SYT11: variants seen among roughly 807,000 people sequenced by gnomAD.
SYT11 encodes the protein synaptotagmin 11.
Under a neutral mutation model 30.4 loss-of-function variants are expected in SYT11, and 12 were observed. The ratio of observed to expected loss-of-function variants is 0.39; its 90% CI spans 0.25 to 0.64. The LOEUF is 0.64. SYT11 is among the 30% of genes least tolerant of loss of function. The probability of loss-of-function intolerance (pLI) is 0.45; values close to 1 mark genes in which losing one functional copy is unlikely to be tolerated. For missense variants in SYT11, 412 were observed against 552.0 expected, an observed-to-expected ratio of 0.75 and a Z score of 2.54; for synonymous variants, 204 against 216.0, an observed-to-expected ratio of 0.94 and a Z score of 0.49.
rs756494595 is a variant in SYT11, at chr1:155,881,458, G to A, written c.1246G>A (p.Glu416Lys). The A allele has an allele frequency of 6.2e-7, 1 of 1,613,124 alleles. No homozygotes were observed. Among genetic ancestry groups the A allele is most frequent in the Non-Finnish European group, 8.5e-7 (1 of 1,179,238 alleles). ...TGCTGAACACTGGAGAGAGGTCTGC[G>A]AGAGCCCCCGCAAGCCTGTGGCCAA... ...SGAEHWREVC[E>K]SPRKPVAKWH... Residue 416 changes from glutamate to lysine, a missense_variant, in exon 4 of 4, where the codon GAG becomes AAG. Glu to Lys is a moderately conservative substitution (Grantham distance 56, BLOSUM62 1). Coordinates refer to ENST00000368324, the MANE Select transcript of SYT11 (RefSeq NM_152280.5).
At chr1:155,874,619 G>A (rs567111640) in intron 2 of SYT11, among the ~76,000 whole-genome samples, 4 of 149,436 alleles carry the variant, frequency 2.7e-5, no homozygotes, top group Admixed American at 2.0e-4. Context: ...GGCCGGGCGC[G>A]GTGGCTGACG....
intron 1 of SYT11, 145 bp downstream of exon 1, chr1:155,859,940 G>A: frequency 1.3e-6 from 1 of 784,440 alleles, no homozygotes; most frequent in Admixed American, 1.9e-5. Flanking sequence ...GTGGTGGGTA[G>A]TGGGTAGTGG....
intron 2 of SYT11, among the ~76,000 whole-genome samples, chr1:155,875,044 G>A (rs950737377): frequency 1.3e-5 from 2 of 149,572 alleles, no homozygotes; most frequent in East Asian, 3.9e-4. Context: ...CATGAGGTCA[G>A]GAGTTTGAGA....
In SYT11 at chr1:155,874,838, C is replaced by T. The variant is rs908459889; in HGVS notation, c.862-5662C>T. The stretch of plus-strand genomic sequence containing the variant: ...CCGGGAGGCAGAGGTTGCAGTGAGC[C>T]GAGATCGCGCCACTGCACTCCAGCC... On this transcript the variant is annotated intron_variant, in intron 2 of 3. Coordinates refer to ENST00000368324, the MANE Select transcript of SYT11 (RefSeq NM_152280.5). Among the ~76,000 whole-genome samples the T allele has an allele frequency of 3.5e-5, 5 of 143,000 alleles. 1 individual carries two copies. Among genetic ancestry groups the T allele is most frequent in the African/African-American group, 1.0e-4 (4 of 38,772 alleles). 93.8% of individuals were successfully genotyped at this position (143,000 alleles called of 152,430 possible).
intron 1 of SYT11, among the ~76,000 whole-genome samples, chr1:155,866,529 A>T (rs1437627241): frequency 6.6e-6 from 1 of 152,224 alleles, no homozygotes; most frequent in African/African-American, 2.4e-5. Flanking sequence ...CATGAGACTT[A>T]TATTCTAGTG....
In SYT11 at chr1:155,884,151, G is replaced by A. The variant is rs554549887; in HGVS notation, c.*2643G>A. The A allele has an allele frequency of 5.0e-4, 76 of 152,740 alleles. No homozygotes were observed. Among genetic ancestry groups the A allele is most frequent in the African/African-American group, 1.6e-3 (66 of 41,510 alleles). 9.5% of individuals were successfully genotyped at this position (152,740 alleles called of 1,614,324 possible). A position where few individuals can be genotyped will look rare whatever the true frequency, so the allele number is the denominator to read the frequency against. On this transcript the variant is annotated 3_prime_UTR_variant, in exon 4 of 4. Transcript: ENST00000368324. ...CCTTAATGTCTAAAGATCAGAAATC[G>A]CTGAGCAAACCCGCTTTTGTTTCCT...
Position 155,867,978 on chromosome 1 carries a change from G to A in SYT11, c.48G>A (p.Val16=), listed in dbSNP as rs571740484. 48 of 1,609,230 alleles carry A rather than the reference G, an allele frequency of 3.0e-5. No individual in the cohort carries two copies. The highest frequency in any genetic ancestry group is 3.9e-5 in the Non-Finnish European group (46 of 1,178,372). The change falls in exon 2 of 4, where the codon GTG becomes GTA. Residue 16 remains valine (V), a synonymous_variant. Coordinates refer to ENST00000368324, the MANE Select transcript of SYT11 (RefSeq NM_152280.5). ...CTCCGCCTTCAGATGTGTCACCGGT[G>A]GTGGCCGGCCTCATCGGGGCCTCTG... The part of the protein sequence containing the change: ...NIRPSFDVSP[V]VAGLIGASVL...
intron 2 of SYT11, among the ~76,000 whole-genome samples, chr1:155,873,163 C>G (rs1030988416): frequency 6.6e-6 from 1 of 152,186 alleles, no homozygotes; most frequent in Non-Finnish European, 1.5e-5. Flanking sequence ...CGCGGTGTCT[C>G]AGGCCTGTAA....
chr1:155,881,092 T>C (rs1021386807), intron 3 of SYT11, 106 bp from the exon 4 acceptor site: 6 of 1,210,712 alleles, frequency 5.0e-6, no homozygotes, highest in African/African-American at 1.5e-5. Flanking sequence ...CCATCAAAGA[T>C]ACGAACAACA....
chr1:155,877,442 A>G (rs999489554), intron 2 of SYT11, among the ~76,000 whole-genome samples: 1 of 151,178 alleles, frequency 6.6e-6, no homozygotes, highest in African/African-American at 2.4e-5. Flanking sequence ...CTCTGTCACC[A>G]AGGCTGAAGT....
chr1:155,870,931 C>T (rs1053768187), intron 2 of SYT11, among the ~76,000 whole-genome samples: 1 of 152,158 alleles, frequency 6.6e-6, no homozygotes, highest in Admixed American at 6.5e-5. Context: ...GAATATTAGA[C>T]ACATTTGTGA....
In SYT11 at chr1:155,883,661, T is replaced by C. The variant is rs923318004; in HGVS notation, c.*2153T>C. ...CAGCTTGATCCAGGGCGTGAAAGGT[T>C]AGTTGAGACTGAAGTGTTCACTTCC... On this transcript the variant is annotated 3_prime_UTR_variant, in exon 4 of 4. Coordinates refer to ENST00000368324, the MANE Select transcript of SYT11 (RefSeq NM_152280.5). 1.3e-5 allele frequency: 2 copies of C among 152,190 alleles called. No individual in the cohort carries two copies. The highest frequency in any genetic ancestry group is 2.9e-5 in the Non-Finnish European group (2 of 68,038). The allele number at this position is 152,190 out of a possible 1,614,324, so 9.4% of individuals were successfully genotyped here. A position where few individuals can be genotyped will look rare whatever the true frequency, so the allele number is the denominator to read the frequency against.
chr1:155,874,216 G>A (rs1175995010), intron 2 of SYT11, among the ~76,000 whole-genome samples: 1 of 152,146 alleles, frequency 6.6e-6, no homozygotes, highest in Non-Finnish European at 1.5e-5. Context: ...GGGGGTTACC[G>A]TGAGCTGAGA....
intron 3 of SYT11, 121 bp from the exon 4 acceptor site, chr1:155,881,077 G>T (rs988648079): frequency 2.9e-6 from 3 of 1,037,206 alleles, no homozygotes; most frequent in Non-Finnish European, 4.3e-6. Flanking sequence ...GAACACATGG[G>T]ATGGCCATCA....
rs1280483208 is a variant in SYT11 at position 155,884,072 on chromosome 1, C to A, written c.*2564C>A. On this transcript the variant is annotated 3_prime_UTR_variant, in exon 4 of 4. Transcript: ENST00000368324. ...TTGAGATAGTTTAATGTAAATCTGA[C>A]AGGAGCATTCTGAAGCCCCATTAGG... The A allele has an allele frequency of 2.0e-5, 3 of 152,762 alleles. No homozygotes were observed. The highest frequency in any genetic ancestry group is 2.9e-5 in the Non-Finnish European group (2 of 68,040). The allele number at this position is 152,762 out of a possible 1,614,324, so 9.5% of individuals were successfully genotyped here.
intron 1 of SYT11, among the ~76,000 whole-genome samples, chr1:155,864,497 G>C (rs1672637606): frequency 6.6e-6 from 1 of 152,090 alleles, no homozygotes. Flanking sequence ...GGAAGAAAAA[G>C]CCATGGATTG....
chr1:155,881,161 T>A lies in SYT11; in HGVS notation c.986-37T>A, dbSNP rs780459172. The A allele has an allele frequency of 3.8e-6, 6 of 1,585,182 alleles. No homozygotes were observed. In the South Asian group the frequency reaches 6.9e-5, roughly 18 times the overall value. The stretch of plus-strand genomic sequence containing the variant: ...ACATAGGAGAGGACTGTGTCATAGG[T>A]CTGTCTCCCTTTTTCTTATCTCTTT... On this transcript the variant is annotated intron_variant, in intron 3 of 3. Transcript: ENST00000368324.
At chr1:155,869,437 A>AT (rs1375892251) in intron 2 of SYT11, among the ~76,000 whole-genome samples, 5 of 151,354 alleles carry the variant, frequency 3.3e-5, no homozygotes, top group African/African-American at 1.2e-4. Context: ...CGCCTGGCTA[A>AT]TTTTTTGTAT....
At chr1:155,871,503 G>T (rs571813391) in intron 2 of SYT11, among the ~76,000 whole-genome samples, 4 of 152,208 alleles carry the variant, frequency 2.6e-5, no homozygotes, top group African/African-American at 4.8e-5. Context: ...GTGCCAAGCT[G>T]CAGCTGGGAA....
Sources: gnomAD v4.1 joint callset for allele counts (sites outside exome capture counted in the v4.1 genomes callset) on GRCh38, gnomAD v4.1.1 for gene constraint, MANE v1.5 for transcripts, NCBI Gene and HGNC (gene_info 2026-07-23, HGNC 2026-07-21) for gene names.